The following UBE3D variants were observed in gnomAD, a reference collection of about 807,000 sequenced individuals.
UBE3D encodes the protein E3 ubiquitin-protein ligase E3D.
A neutral mutation model predicts 49.6 loss-of-function variants in UBE3D; 48 were observed. The ratio of observed to expected loss-of-function variants is 0.97; its 90% CI spans 0.77 to 1.23. UBE3D has a LOEUF of 1.23. UBE3D is among the 50% of genes most tolerant of loss of function. UBE3D has a pLI of 0.00. For missense variants in UBE3D, 452 were observed against 468.4 expected (o/e 0.96, Z 0.32); for synonymous variants, 189 against 174.2 (o/e 1.08, Z -0.67).
chr6:83,053,801 T>C (rs1008825934), intron 3 of UBE3D, among the ~76,000 whole-genome samples: 13 of 152,118 alleles, frequency 8.5e-5, no homozygotes, highest in African/African-American at 3.1e-4. Context: ...GTGGAAAAAA[T>C]CACTGAATGT....
At chr6:82,959,123 G>A (rs901838343) in intron 8 of UBE3D, among the ~76,000 whole-genome samples, 2 of 151,694 alleles carry the variant, frequency 1.3e-5, no homozygotes, top group African/African-American at 2.4e-5. Context: ...ATCGCTTGCT[G>A]CATGCAGGAA....
rs114625203 is a variant in UBE3D, at chr6:82,986,657, C to T, written c.1011-29207G>A. On this transcript the variant is annotated intron_variant, in intron 8 of 9. Coordinates refer to ENST00000369747, the MANE Select transcript of UBE3D (RefSeq NM_198920.3). Reference sequence around the variant, plus strand: ...AAAATATATACATATATATTTTACACATATGTATGGATTATACATATATCT... The same window carrying T: ...AAAATATATACATATATATTTTACATATATGTATGGATTATACATATATCT... Among the ~76,000 whole-genome samples the T allele has an allele frequency of 8.5e-3, 1,265 of 148,252 alleles. 14 individuals are homozygous for T. Among genetic ancestry groups the T allele is most frequent in the African/African-American group, 0.029 (1,180 of 40,634 alleles).
chr6:82,887,570 G>C (rs937906837), downstream of UBE3D, among the ~76,000 whole-genome samples: 1 of 150,778 alleles, frequency 6.6e-6, no homozygotes, highest in African/African-American at 2.4e-5. Context: ...TTAGCCGGGC[G>C]TGGTGGTGCA....
At chr6:82,991,908 A>G (rs1778910613) in intron 8 of UBE3D, among the ~76,000 whole-genome samples, 1 of 152,196 alleles carries the variant, frequency 6.6e-6, no homozygotes, top group Admixed American at 6.5e-5. Context: ...CAATAAGGTC[A>G]TAGAGAATTA....
At chr6:83,023,653 T>C (rs962598836) in intron 6 of UBE3D, among the ~76,000 whole-genome samples, 6 of 152,210 alleles carry the variant, frequency 3.9e-5, no homozygotes, top group Non-Finnish European at 8.8e-5. Context: ...AAACATCGTA[T>C]GTTCTCCTTC....
intron 5 of UBE3D, among the ~76,000 whole-genome samples, chr6:83,025,434 A>G (rs915107485): frequency 2.3e-4 from 3 of 13,172 alleles, no homozygotes; most frequent in African/African-American, 3.3e-4. Context: ...CATCAAAATA[A>G]GATTTTTTTT....
At chr6:82,920,588 G>A (rs1008183942) in intron 9 of UBE3D, among the ~76,000 whole-genome samples, 2 of 152,110 alleles carry the variant, frequency 1.3e-5, no homozygotes, top group Non-Finnish European at 2.9e-5. Flanking sequence ...CAAAGTTTCG[G>A]TGTCCTCCTC....
At position 83,028,061 on chromosome 6, in the gene UBE3D, T is replaced by C. The variant is rs2127784684; in HGVS notation, c.668-4023A>G. ...GGTGTTAAACCACTGGCTGAGTTTT[T>C]AATATCAATTATAACACTTTTTAAG... On this transcript the variant is annotated intron_variant, in intron 5 of 9. Transcript: ENST00000369747. 2.0e-5 allele frequency among the ~76,000 whole-genome samples: 3 copies of C among 152,342 alleles called. No individual in the cohort carries two copies. The South Asian group carries it at 6.2e-4, about 32-fold the overall frequency.
At chr6:82,975,704 TTAAGA>T (rs1212242203) in intron 8 of UBE3D, among the ~76,000 whole-genome samples, 2 of 152,164 alleles carry the variant, frequency 1.3e-5, no homozygotes, top group African/African-American at 4.8e-5. Flanking sequence ...GTTATTTAAA[TTAAGA>T]TAATTTTTAA....
At chr6:83,040,273 A>C (rs1298958862) in intron 4 of UBE3D, among the ~76,000 whole-genome samples, 1 of 151,860 alleles carries the variant, frequency 6.6e-6, no homozygotes, top group East Asian at 1.9e-4. Context: ...AGTCCCAGCT[A>C]CTCAGGAGGC....
chr6:82,888,335 T>C (rs1260410566), downstream of UBE3D, among the ~76,000 whole-genome samples: 1 of 151,764 alleles, frequency 6.6e-6, no homozygotes, highest in Non-Finnish European at 1.5e-5. Context: ...TATTGAAATT[T>C]GCAACCAAAA....
chr6:83,029,557 T>C (rs1781720345), intron 5 of UBE3D, among the ~76,000 whole-genome samples: 2 of 152,240 alleles, frequency 1.3e-5, no homozygotes, highest in African/African-American at 4.8e-5. Context: ...GTCTGCTCAA[T>C]TGAATATCTG....
intron 5 of UBE3D, among the ~76,000 whole-genome samples, chr6:83,034,607 C>G (rs1457706823): frequency 6.6e-6 from 1 of 152,056 alleles, no homozygotes; most frequent in Non-Finnish European, 1.5e-5. Context: ...CCCCGTCTCA[C>G]GATAGAGTTA....
intron 5 of UBE3D, chr6:83,036,674 T>C (rs1346219563): frequency 6.6e-6 from 1 of 152,106 alleles, no homozygotes; most frequent in Non-Finnish European, 1.5e-5. Context: ...AGTTCTTGGG[T>C]ATAGGTACAA....
chr6:83,013,806 G>A (rs1470442559), intron 8 of UBE3D, among the ~76,000 whole-genome samples: 1 of 152,160 alleles, frequency 6.6e-6, no homozygotes, highest in Non-Finnish European at 1.5e-5. Context: ...TCACCAATAA[G>A]TCCAGTGTGT....
At chr6:82,904,564 G>A (rs1213742712) in intron 9 of UBE3D, among the ~76,000 whole-genome samples, 1 of 152,204 alleles carries the variant, frequency 6.6e-6, no homozygotes, top group Non-Finnish European at 1.5e-5. Context: ...GACATAAATG[G>A]CCTGGCAGGC....
chr6:82,954,106 C>G (rs954545953), intron 9 of UBE3D, among the ~76,000 whole-genome samples: 13 of 152,170 alleles, frequency 8.5e-5, no homozygotes, highest in African/African-American at 2.9e-4. Flanking sequence ...CCAAGATGTT[C>G]CCCGGCCTTA....
At chr6:82,886,014 A>G in the UBE3D span, among the ~76,000 whole-genome samples, 4 of 152,150 alleles carry the variant, frequency 2.6e-5, no homozygotes, top group South Asian at 6.2e-4. Flanking sequence ...GCAGTTTGAT[A>G]TCATCACTCA....
chr6:83,032,578 G>A (rs1781957202), intron 5 of UBE3D, among the ~76,000 whole-genome samples: 1 of 152,204 alleles, frequency 6.6e-6, no homozygotes, highest in Admixed American at 6.5e-5. Flanking sequence ...GCTGAAATGA[G>A]TTAAGACTTT....
Sources: allele counts gnomAD v4.1 joint callset (sites outside exome capture counted in the v4.1 genomes callset), GRCh38; gene constraint gnomAD v4.1.1; transcripts MANE v1.5; gene names NCBI Gene and HGNC (gene_info 2026-07-23, HGNC 2026-07-21).